The following RASSF3 variants were observed in gnomAD, a reference collection of about 807,000 sequenced individuals.
RASSF3 encodes the protein ras association domain-containing protein 3.
RASSF3 carries 19 observed loss-of-function variants against 19.9 expected under a neutral mutation model. The observed-to-expected ratio is 0.96, with a 90% CI of 0.67 to 1.40. RASSF3 has a LOEUF of 1.40. Ranked by LOEUF, RASSF3 falls within the 40% of genes most tolerant of loss-of-function variation. The probability of loss-of-function intolerance (pLI) is 0.00; values close to 1 mark genes in which losing one functional copy is unlikely to be tolerated. For synonymous variants in RASSF3, 110 were observed against 104.2 expected (o/e 1.06, Z -0.34); for missense variants, 306 against 289.8 (o/e 1.06, Z -0.41).
intron 1 of RASSF3, among the ~76,000 whole-genome samples, chr12:64,537,555 C>T (rs73315583): frequency 0.032 from 4,914 of 152,254 alleles, 273 homozygotes; most frequent in African/African-American, 0.11. Context: ...AATCTCCCAA[C>T]CCCATCTCAG....
downstream of RASSF3, among the ~76,000 whole-genome samples, chr12:64,544,178 G>A (rs572762823): frequency 1.1e-4 from 17 of 152,202 alleles, no homozygotes; most frequent in East Asian, 9.7e-4. Context: ...AACGCCCACC[G>A]TGAAACGCTC....
chr12:64,597,140 A>AT (rs753727826), intron 2 of RASSF3, among the ~76,000 whole-genome samples: 1 of 150,222 alleles, frequency 6.7e-6, no homozygotes, highest in African/African-American at 2.5e-5. Flanking sequence ...TTATTTTTTA[A>AT]TTTTTTTCCT....
At chr12:64,546,095 C>CAA (rs34666595), downstream of RASSF3, among the ~76,000 whole-genome samples, 503 of 59,266 alleles carry the variant, frequency 8.5e-3, 8 homozygotes, top group African/African-American at 0.018. Flanking sequence ...GACTCCGTCT[C>CAA]AAAAAAAAAA....
At chr12:64,660,508 T>A (rs2136197833) in intron 1 of RASSF3, among the ~76,000 whole-genome samples, 1 of 152,278 alleles carries the variant, frequency 6.6e-6, no homozygotes, top group East Asian at 1.9e-4. Context: ...GAGGGACAAA[T>A]ACAACTTTGT....
chr12:64,595,064 C>CTTTTTTTTTT (rs1171762487), intron 2 of RASSF3, among the ~76,000 whole-genome samples: 8 of 90,950 alleles, frequency 8.8e-5, no homozygotes, highest in South Asian at 4.3e-4. Flanking sequence ...CATATGAAAT[C>CTTTTTTTTTT]TTTTTTTTTT....
chr12:64,641,654 T>A lies in RASSF3; in HGVS notation c.111+30911T>A, dbSNP rs200984857. On this transcript the variant is annotated intron_variant, in intron 1 of 4. Transcript: ENST00000542104. ...CTCTCTCTCTTTTTTTTTTTTTTTT[T>A]AAGTTACTGACTCCTAGGGGGCATT... Among the ~76,000 whole-genome samples, 11 of 146,606 alleles carry A rather than the reference T, an allele frequency of 7.5e-5. No individual in the cohort carries two copies. In the East Asian group the frequency reaches 1.6e-3, roughly 21 times the overall value.
At chr12:64,584,072 T>C (rs2136136810) in intron 2 of RASSF3, among the ~76,000 whole-genome samples, 1 of 152,300 alleles carries the variant, frequency 6.6e-6, no homozygotes, top group South Asian at 2.1e-4. Context: ...ATCCAAACCA[T>C]CTGCACTCAA....
chr12:64,697,211 G>T lies in RASSF3; in HGVS notation c.*2299G>T, dbSNP rs1868393064. ...GAAATTCTGTCAGTTTATGGTTCTT[G>T]AAGACTGATGTCCTTTCCCAAACAC... On this transcript the variant is annotated 3_prime_UTR_variant, in exon 5 of 5. Coordinates refer to ENST00000542104, the MANE Select transcript of RASSF3 (RefSeq NM_178169.4). 1 of 152,028 alleles carries T rather than the reference G, an allele frequency of 6.6e-6. No individual in the cohort carries two copies. Among genetic ancestry groups the T allele is most frequent in the African/African-American group, 2.4e-5 (1 of 41,410 alleles). 9.4% of individuals were successfully genotyped at this position (152,028 alleles called of 1,614,324 possible). A position where few individuals can be genotyped will look rare whatever the true frequency, so the allele number is the denominator to read the frequency against.
At chr12:64,673,539 A>C (rs1356284339) in intron 1 of RASSF3, among the ~76,000 whole-genome samples, 1 of 152,120 alleles carries the variant, frequency 6.6e-6, no homozygotes, top group Non-Finnish European at 1.5e-5. Flanking sequence ...AAAACCTAAG[A>C]ATCCACTGCT....
chr12:64,525,719 C>T (rs1868570542), intron 1 of RASSF3, among the ~76,000 whole-genome samples: 1 of 150,998 alleles, frequency 6.6e-6, no homozygotes, highest in Admixed American at 6.6e-5. Flanking sequence ...TTTGCTTCAA[C>T]ATTTCATTTT....
At chr12:64,662,494 AAG>A (rs1243553623) in intron 1 of RASSF3, among the ~76,000 whole-genome samples, 2 of 151,986 alleles carry the variant, frequency 1.3e-5, no homozygotes, top group African/African-American at 4.8e-5. Flanking sequence ...AAGTAAATAA[AAG>A]AGGTTGAGGC....
At chr12:64,606,551 T>C (rs1025811047), upstream of RASSF3, among the ~76,000 whole-genome samples, 5 of 152,152 alleles carry the variant, frequency 3.3e-5, no homozygotes, top group African/African-American at 1.2e-4. Context: ...AATTAAATTG[T>C]TAAAGGTCAC....
intron 1 of RASSF3, among the ~76,000 whole-genome samples, chr12:64,650,390 GGT>G (rs1245658612): frequency 4.7e-5 from 7 of 149,662 alleles, no homozygotes; most frequent in Non-Finnish European, 7.4e-5. Flanking sequence ...TCAGCCAGGA[GGT>G]GTTTCTTTTT....
At chr12:64,610,067 C>G (rs1870280082), upstream of RASSF3, among the ~76,000 whole-genome samples, 1 of 152,056 alleles carries the variant, frequency 6.6e-6, no homozygotes, top group Non-Finnish European at 1.5e-5. Context: ...CCGGGCAACC[C>G]CCACCCACCC....
chr12:64,677,371 AC>A (rs896042031), intron 1 of RASSF3, among the ~76,000 whole-genome samples: 6 of 152,032 alleles, frequency 3.9e-5, no homozygotes, highest in African/African-American at 1.2e-4. Context: ...CTCCCTCAAT[AC>A]CTCTGCCTAC....
intron 1 of RASSF3, among the ~76,000 whole-genome samples, chr12:64,526,110 C>T (rs1027045308): frequency 6.6e-6 from 1 of 152,146 alleles, no homozygotes; most frequent in Non-Finnish European, 1.5e-5. Context: ...TTCCCACACT[C>T]GGACAATGTA....
At chr12:64,598,265 A>G (rs565950703) in intron 2 of RASSF3, among the ~76,000 whole-genome samples, 1 of 152,256 alleles carries the variant, frequency 6.6e-6, no homozygotes, top group South Asian at 2.1e-4. Flanking sequence ...TTATATTTTG[A>G]CACATTCTTC....
chr12:64,689,880 C>T (rs528007648), intron 3 of RASSF3, among the ~76,000 whole-genome samples: 64 of 141,708 alleles, frequency 4.5e-4, no homozygotes, highest in African/African-American at 1.3e-3. Context: ...CTCCACCTCC[C>T]GGGTTCACGC....
At chr12:64,601,040 C>T (rs928703728) in intron 2 of RASSF3, among the ~76,000 whole-genome samples, 10 of 152,100 alleles carry the variant, frequency 6.6e-5, no homozygotes, top group African/African-American at 2.2e-4. Flanking sequence ...GTACTCCGAA[C>T]ACTTTGGGAG....
Sources: allele counts gnomAD v4.1 joint callset (sites outside exome capture counted in the v4.1 genomes callset), GRCh38; gene constraint gnomAD v4.1.1; transcripts MANE v1.5; gene names NCBI Gene and HGNC (gene_info 2026-07-23, HGNC 2026-07-21).